The following STK31 variants were observed in gnomAD, a reference collection of about 807,000 sequenced individuals.
STK31 encodes serine/threonine kinase 31, also known as serine/threonine-protein kinase 31.
A neutral mutation model predicts 129.7 loss-of-function variants in STK31; 89 were observed. The ratio of observed to expected loss-of-function variants is 0.69; its 90% confidence interval spans 0.58 to 0.82. The LOEUF (loss-of-function observed/expected upper bound fraction) is 0.82, where lower values mean the gene tolerates loss of function less well. STK31 is among the 40% of genes least tolerant of loss of function. The pLI is 0.00. For missense variants in STK31, 1,187 were observed against 1,176.4 expected (o/e 1.01, Z -0.13); for synonymous variants, 448 against 395.3 (o/e 1.13, Z -1.58).
chr7:23,790,971 G>C (rs1241538416), intron 22 of STK31, 25 bp downstream of exon 22: 1 of 1,483,156 alleles, frequency 6.7e-7, no homozygotes, highest in Non-Finnish European at 9.0e-7. Context: ...TGTTGAAATA[G>C]ATCATATATA....
At chr7:23,764,239 A>G (rs757766307) in intron 11 of STK31, among the ~76,000 whole-genome samples, 3 of 152,204 alleles carry the variant, frequency 2.0e-5, no homozygotes, top group Non-Finnish European at 2.9e-5. Context: ...TTTGTCCCTT[A>G]AAGGTTTATT....
At chr7:23,770,022 CTTAAT>C (rs1790086427) in intron 13 of STK31, among the ~76,000 whole-genome samples, 1 of 152,070 alleles carries the variant, frequency 6.6e-6, no homozygotes, top group South Asian at 2.1e-4. Context: ...GAAAACTGCT[CTTAAT>C]TTGAGTGGAC....
At chr7:23,811,337 G>T in intron 22 of STK31, 1 of 407,846 alleles carries the variant, frequency 2.5e-6, no homozygotes. Context: ...TACTCTTTCT[G>T]GTCTTCATTC....
chr7:23,792,654 A>G (rs905355170), intron 22 of STK31, among the ~76,000 whole-genome samples: 3 of 152,206 alleles, frequency 2.0e-5, no homozygotes, highest in African/African-American at 7.2e-5. Flanking sequence ...GAGATAGCCA[A>G]AACAAGTTTG....
intron 22 of STK31, among the ~76,000 whole-genome samples, chr7:23,807,881 C>G (rs910061969): frequency 6.6e-6 from 1 of 151,824 alleles, no homozygotes; most frequent in Non-Finnish European, 1.5e-5. Context: ...TATAAAATTT[C>G]CAATTGATTC....
chr7:23,761,714 T>A (rs192047646), intron 10 of STK31, among the ~76,000 whole-genome samples: 6 of 151,776 alleles, frequency 4.0e-5, no homozygotes, highest in Admixed American at 2.6e-4. Context: ...AGATGTTTTT[T>A]TTTTTTAATG....
intron 22 of STK31, among the ~76,000 whole-genome samples, chr7:23,799,403 A>G (rs1792223132): frequency 6.6e-6 from 1 of 152,150 alleles, no homozygotes; most frequent in Non-Finnish European, 1.5e-5. Flanking sequence ...ATATAGACCA[A>G]TGGAACAAAA....
chr7:23,754,183 T>C (rs1788903983), intron 9 of STK31, 132 bp from the exon 10 acceptor site: 1 of 706,090 alleles, frequency 1.4e-6, no homozygotes, highest in East Asian at 3.0e-5. Flanking sequence ...TTATATAAAG[T>C]TTTAAAAGGT....
chr7:23,752,521 C>T lies in STK31; in HGVS notation c.1018-196C>T, dbSNP rs953800616. On this transcript the variant is annotated intron_variant, in intron 8 of 23. Coordinates refer to ENST00000355870, the MANE Select transcript of STK31 (RefSeq NM_031414.5). ...GCACCACCACACCCATGTATTTTTT[C>T]GTAGAGACGGGGTTTTGCCACATTG... is the stretch of plus-strand genomic sequence containing the variant. Among the ~76,000 whole-genome samples the T allele has an allele frequency of 1.4e-4, 21 of 151,842 alleles. 2 individuals carry two copies. Among genetic ancestry groups the T allele is most frequent in the Admixed American group, 8.5e-4 (13 of 15,244 alleles).
At chr7:23,718,599 A>G (rs1786500195) in intron 4 of STK31, among the ~76,000 whole-genome samples, 1 of 152,068 alleles carries the variant, frequency 6.6e-6, no homozygotes, top group Non-Finnish European at 1.5e-5. Flanking sequence ...TATGTAGTTT[A>G]TTGTATGTAT....
intron 10 of STK31, 127 bp downstream of exon 10, chr7:23,754,601 C>A: frequency 9.7e-7 from 1 of 1,027,460 alleles, no homozygotes; most frequent in Non-Finnish European, 1.4e-6. Context: ...CATAGGTATA[C>A]ATGCGCCGTG....
In STK31 at chr7:23,754,410, G is replaced by A. The variant is rs4722266; in HGVS notation, c.1229G>A (p.Gly410Glu). 270,990 of 1,613,280 alleles carry A rather than the reference G, an allele frequency of 0.17. 25,905 individuals are homozygous for A. The highest frequency in any genetic ancestry group is 0.36 in the Admixed American group (21,416 of 59,944). The change falls in exon 10 of 24, where the codon GGA (glycine) becomes GAA (glutamate). Residue 410 changes from glycine (G) to glutamate (E), a missense_variant. Physicochemically the swap from Gly to Glu is moderately conservative, Grantham distance 98. Around this residue, in one of 5 missense-constraint regions of STK31, gnomAD observed 975 missense variants for 934.9 expected, o/e 1.04. Transcript: ENST00000355870. ...TTTACTACTCCAGCTTCTTTGAATG[G>A]ATTAGAGATAATATGGGCAGAATAC... is the stretch of plus-strand genomic sequence containing the variant. ...GCFTTPASLN[G>E]LEIIWAEYSL...
chr7:23,764,091 T>C (rs536188483), intron 11 of STK31, among the ~76,000 whole-genome samples: 8 of 152,308 alleles, frequency 5.3e-5, no homozygotes, highest in South Asian at 4.1e-4. Flanking sequence ...TTAAGAACCA[T>C]TGGAGCCCTG....
intron 23 of STK31, among the ~76,000 whole-genome samples, chr7:23,823,980 A>G (rs1000883897): frequency 3.9e-5 from 6 of 152,138 alleles, no homozygotes; most frequent in African/African-American, 1.2e-4. Flanking sequence ...TACCAGTATC[A>G]TGCTATTTTG....
intron 3 of STK31, among the ~76,000 whole-genome samples, chr7:23,716,941 C>T (rs1452949090): frequency 6.6e-6 from 1 of 151,084 alleles, no homozygotes; most frequent in Non-Finnish European, 1.5e-5. Context: ...ACTATAGGTG[C>T]ACACTACCAT....
At chr7:23,750,901 C>G (rs1788670857) in intron 8 of STK31, among the ~76,000 whole-genome samples, 1 of 152,184 alleles carries the variant, frequency 6.6e-6, no homozygotes, top group Non-Finnish European at 1.5e-5. Flanking sequence ...GACCTCTCTT[C>G]TAGCTATTTT....
chr7:23,776,078 G>C (rs1405737723), intron 15 of STK31, among the ~76,000 whole-genome samples: 1 of 152,254 alleles, frequency 6.6e-6, no homozygotes, highest in African/African-American at 2.4e-5. Flanking sequence ...TGCATCTGTT[G>C]AGATAGTCGT....
At chr7:23,736,188 T>C (rs2128080414) in intron 7 of STK31, among the ~76,000 whole-genome samples, 1 of 152,334 alleles carries the variant, frequency 6.6e-6, no homozygotes, top group Non-Finnish European at 1.5e-5. Context: ...TGCTCCTAAA[T>C]CTGAATTATT....
chr7:23,749,030 T>C (rs1218403118), intron 8 of STK31, among the ~76,000 whole-genome samples: 1 of 152,228 alleles, frequency 6.6e-6, no homozygotes, highest in Non-Finnish European at 1.5e-5. Flanking sequence ...TTTTCCATGC[T>C]AGATCTGTCC....
Sources: allele counts gnomAD v4.1 joint callset (sites outside exome capture counted in the v4.1 genomes callset), GRCh38; gene constraint gnomAD v4.1.1; regional missense constraint gnomAD v4.1.1; transcripts MANE v1.5; gene names NCBI Gene and HGNC (gene_info 2026-07-23, HGNC 2026-07-21).